Variants in SHISA9 observed in about 807,000 individuals in gnomAD.
The protein encoded by SHISA9 is protein shisa-9.
A neutral mutation model predicts 38.0 loss-of-function variants in SHISA9; 13 were observed. That is an observed-to-expected ratio of 0.34 (90% CI 0.22 to 0.54). The LOEUF is 0.54. Among genes scored for constraint, SHISA9 ranks in the 20% least tolerant of loss-of-function variants. SHISA9 has a pLI of 0.91. For missense variants in SHISA9, 538 were observed against 575.8 expected, an observed-to-expected ratio of 0.93 and a Z score of 0.67; for synonymous variants, 275 against 242.0, an observed-to-expected ratio of 1.14 and a Z score of -1.27.
intron 2 of SHISA9, among the ~76,000 whole-genome samples, chr16:13,095,677 A>G (rs1467043212): frequency 6.6e-6 from 1 of 152,212 alleles, no homozygotes; most frequent in East Asian, 1.9e-4. Context: ...ACACTGCACA[A>G]CGAGTTCCAT....
chr16:13,417,449 A>T, the SHISA9 span, among the ~76,000 whole-genome samples: 1 of 152,142 alleles, frequency 6.6e-6, no homozygotes, highest in Non-Finnish European at 1.5e-5. Context: ...TGGAGCCAAG[A>T]AATGGGCAGA....
chr16:13,087,913 T>C (rs2073731591), intron 2 of SHISA9, among the ~76,000 whole-genome samples: 1 of 152,242 alleles, frequency 6.6e-6, no homozygotes, highest in African/African-American at 2.4e-5. Context: ...ATGTCCTGAA[T>C]GGTATTGCCT....
intron 2 of SHISA9, among the ~76,000 whole-genome samples, chr16:13,170,238 A>G (rs962369391): frequency 1.3e-5 from 2 of 151,474 alleles, no homozygotes; most frequent in Admixed American, 6.6e-5. Context: ...AAAGTAAAAT[A>G]TATGTTCATT....
chr16:13,291,408 A>C, the SHISA9 span, among the ~76,000 whole-genome samples: 1 of 152,178 alleles, frequency 6.6e-6, no homozygotes, highest in Non-Finnish European at 1.5e-5. Flanking sequence ...TTTGCAAACC[A>C]CATCTTCCAT....
At chr16:13,243,955 T>C (rs2051454038), downstream of SHISA9, among the ~76,000 whole-genome samples, 1 of 151,978 alleles carries the variant, frequency 6.6e-6, no homozygotes, top group Admixed American at 6.6e-5. Context: ...TGTCTTTTAG[T>C]AGAGATGGGG....
chr16:13,393,347 C>A, the SHISA9 span, among the ~76,000 whole-genome samples: 8 of 152,220 alleles, frequency 5.3e-5, no homozygotes, highest in Non-Finnish European at 8.8e-5. Context: ...ACTGGGCCCC[C>A]CAAAATTGTG....
the SHISA9 span, among the ~76,000 whole-genome samples, chr16:13,428,773 G>GT: frequency 4.1e-3 from 589 of 145,304 alleles, 13 homozygotes; most frequent in African/African-American, 0.01. Flanking sequence ...TTGTTTTATT[G>GT]TTTTTTTTTT....
intron 2 of SHISA9, among the ~76,000 whole-genome samples, chr16:13,082,913 C>T (rs2073669300): frequency 6.6e-6 from 1 of 152,168 alleles, no homozygotes; most frequent in African/African-American, 2.4e-5. Context: ...TTAAGAGAGT[C>T]CATCACCTCC....
chr16:13,188,087 G>T (rs1024637472), intron 2 of SHISA9, among the ~76,000 whole-genome samples: 5 of 152,068 alleles, frequency 3.3e-5, no homozygotes, highest in Admixed American at 6.6e-5. Context: ...TTGTTATATT[G>T]CTTTCCTTTT....
chr16:13,365,182 G>A, the SHISA9 span, among the ~76,000 whole-genome samples: 1,241 of 152,280 alleles, frequency 8.1e-3, 22 homozygotes, highest in African/African-American at 0.029. Flanking sequence ...ACCTCATGGA[G>A]ATTTAAACTG....
the SHISA9 span, among the ~76,000 whole-genome samples, chr16:13,535,963 A>G: frequency 5.3e-5 from 8 of 152,134 alleles, no homozygotes; most frequent in South Asian, 1.7e-3. Context: ...CCAATAGACC[A>G]AGAACTTCCA....
intron 2 of SHISA9, among the ~76,000 whole-genome samples, chr16:13,004,260 A>AG (rs1271948344): frequency 6.6e-6 from 1 of 152,206 alleles, no homozygotes; most frequent in Non-Finnish European, 1.5e-5. Context: ...ATCCAAAAAA[A>AG]GGGACATGAT....
At chr16:13,392,839 C>CA in the SHISA9 span, among the ~76,000 whole-genome samples, 1 of 152,208 alleles carries the variant, frequency 6.6e-6, no homozygotes, top group African/African-American at 2.4e-5. Flanking sequence ...AGACTGCCTG[C>CA]AAAGCACGAG....
rs1244932764 is a variant in SHISA9, at chr16:13,237,312, G to C, written c.*1903G>C. 1 of 152,082 alleles carries C rather than the reference G, an allele frequency of 6.6e-6. No homozygotes were observed. Among genetic ancestry groups the C allele is most frequent in the East Asian group, 1.9e-4 (1 of 5,186 alleles). The allele number at this position is 152,082 out of a possible 1,614,324, so 9.4% of individuals were successfully genotyped here. A position where few individuals can be genotyped will look rare whatever the true frequency, so the allele number is the denominator to read the frequency against. On this transcript the variant is annotated 3_prime_UTR_variant, in exon 5 of 5. Transcript: ENST00000558583. ...GCCTGAGTCTCCCATCTGAAACATG[G>C]GGAATTGGGGTAGGTCAAGCTTTTT...
At chr16:13,071,603 T>TCC (rs2073518216) in intron 2 of SHISA9, among the ~76,000 whole-genome samples, 4 of 131,052 alleles carry the variant, frequency 3.1e-5, no homozygotes, top group African/African-American at 1.6e-4. Context: ...CTTCCTTCCC[T>TCC]TTCTTCCCTT....
intron 2 of SHISA9, among the ~76,000 whole-genome samples, chr16:12,975,662 G>GGGGGGGGGGGGGGGC (rs1555451392): frequency 7.0e-6 from 1 of 142,248 alleles, no homozygotes; most frequent in African/African-American, 2.7e-5. Flanking sequence ...GGGGCGGGGG[G>GGGGGGGGGGGGGGGC]GGTAAGGGCA....
the SHISA9 span, among the ~76,000 whole-genome samples, chr16:13,522,640 T>G: frequency 5.3e-5 from 8 of 152,326 alleles, no homozygotes; most frequent in African/African-American, 1.2e-4. Context: ...TTTATTATTT[T>G]GAAAGCCATA....
the SHISA9 span, among the ~76,000 whole-genome samples, chr16:13,560,639 C>CTT: frequency 8.8e-4 from 133 of 151,194 alleles, no homozygotes; most frequent in African/African-American, 3.1e-3. Context: ...TCTAGGGATA[C>CTT]AGAGGTGAAA....
chr16:13,452,570 C>G, the SHISA9 span, among the ~76,000 whole-genome samples: 1 of 152,168 alleles, frequency 6.6e-6, no homozygotes, highest in Non-Finnish European at 1.5e-5. Flanking sequence ...ACTTACAGAT[C>G]GGATGGGTGT....
Sources: gnomAD v4.1 joint callset for allele counts (sites outside exome capture counted in the v4.1 genomes callset) on GRCh38, gnomAD v4.1.1 for gene constraint, MANE v1.5 for transcripts, NCBI Gene and HGNC (gene_info 2026-07-23, HGNC 2026-07-21) for gene names.